COL23A1: variants seen among roughly 807,000 people sequenced by gnomAD.
COL23A1 encodes the protein collagen alpha-1(XXIII) chain.
A neutral mutation model predicts 99.3 loss-of-function variants in COL23A1; 97 were observed. The observed-to-expected ratio is 0.98, with a 90% CI of 0.83 to 1.16. COL23A1 has a LOEUF of 1.16. Among genes scored for constraint, COL23A1 ranks in the 50% most tolerant of loss-of-function variants. COL23A1 has a pLI of 0.00. For synonymous variants in COL23A1, 320 were observed against 308.2 expected, an observed-to-expected ratio of 1.04 and a Z score of -0.40; for missense variants, 762 against 757.4, an observed-to-expected ratio of 1.01 and a Z score of -0.07.
intron 2 of COL23A1, among the ~76,000 whole-genome samples, chr5:178,557,028 A>T (rs1762313240): frequency 6.6e-6 from 1 of 152,352 alleles, no homozygotes; most frequent in East Asian, 1.9e-4. Context: ...GCAAAAAATT[A>T]CCACAAGCCC....
intron 20 of COL23A1, 44 bp downstream of exon 20, chr5:178,248,148 G>T: frequency 7.2e-7 from 1 of 1,390,310 alleles, no homozygotes; most frequent in Non-Finnish European, 1.0e-6. Flanking sequence ...ACCCAGCCTG[G>T]ACTGGGTGTT....
chr5:178,336,313 C>T (rs998225906), intron 2 of COL23A1, among the ~76,000 whole-genome samples: 5 of 152,210 alleles, frequency 3.3e-5, no homozygotes, highest in Admixed American at 6.5e-5. Flanking sequence ...TTATTCACAA[C>T]AGCCGAAAGG....
intron 2 of COL23A1, among the ~76,000 whole-genome samples, chr5:178,491,184 C>A (rs939896848): frequency 2.0e-3 from 301 of 151,342 alleles, no homozygotes; most frequent in African/African-American, 7.0e-3. Context: ...GAGAAGAGAA[C>A]GAGGAGGGGG....
chr5:178,508,911 C>A (rs542013469), intron 2 of COL23A1, among the ~76,000 whole-genome samples: 1 of 152,224 alleles, frequency 6.6e-6, no homozygotes, highest in South Asian at 2.1e-4. Context: ...TATATAATGT[C>A]CAGGGCTTTC....
At chr5:178,493,044 GTC>G (rs993330534) in intron 2 of COL23A1, among the ~76,000 whole-genome samples, 23 of 152,290 alleles carry the variant, frequency 1.5e-4, no homozygotes, top group African/African-American at 5.5e-4. Flanking sequence ...TTGACTGTTG[GTC>G]TCTCACCCTT....
intron 2 of COL23A1, among the ~76,000 whole-genome samples, chr5:178,549,232 T>A (rs189249046): frequency 2.0e-5 from 3 of 151,532 alleles, no homozygotes; most frequent in African/African-American, 7.3e-5. Context: ...GACCTCAGGT[T>A]ATCCACCCGC....
At chr5:178,523,502 G>A (rs552245075) in intron 2 of COL23A1, 2 of 151,088 alleles carry the variant, frequency 1.3e-5, no homozygotes, top group African/African-American at 4.9e-5. Context: ...CAATCTACAC[G>A]GCCTGGAGTT....
chr5:178,571,510 A>T (rs1763094137), intron 1 of COL23A1, among the ~76,000 whole-genome samples: 1 of 152,226 alleles, frequency 6.6e-6, no homozygotes, highest in Non-Finnish European at 1.5e-5. Flanking sequence ...AAGACCCTAA[A>T]GGACCAAACT....
chr5:178,519,401 G>A (rs531138289), intron 2 of COL23A1, among the ~76,000 whole-genome samples: 5 of 152,296 alleles, frequency 3.3e-5, no homozygotes, highest in African/African-American at 7.2e-5. Flanking sequence ...CACAATGTGC[G>A]TCCATGAAGG....
chr5:178,581,340 C>A (rs918545349), intron 1 of COL23A1, among the ~76,000 whole-genome samples: 2 of 152,200 alleles, frequency 1.3e-5, no homozygotes, highest in East Asian at 3.9e-4. Flanking sequence ...CCAAGGCAGG[C>A]AAATCACCTG....
rs1758562962 is a variant in COL23A1 at position 178,309,695 on chromosome 5, G to A, written c.362-2776C>T. Among the ~76,000 whole-genome samples the A allele has an allele frequency of 2.1e-5, 1 of 48,216 alleles. No individual in the cohort carries two copies. Among genetic ancestry groups the A allele is most frequent in the African/African-American group, 7.7e-5 (1 of 12,956 alleles). The allele number at this position is 48,216 out of a possible 152,430, so 31.6% of individuals were successfully genotyped here. On this transcript the variant is annotated intron_variant, in intron 2 of 28. Coordinates refer to ENST00000390654, the MANE Select transcript of COL23A1 (RefSeq NM_173465.4). This position sits in a 1 kb window ranked among gnomAD's most constrained non-coding sequence, Gnocchi z 4.7. Reference sequence around the variant, plus strand: ...GTCCCAGCAGCACCCAAGCAGTCAAGCCAGAGACCCCCCCCCGGGCATCAT... The same window carrying A: ...GTCCCAGCAGCACCCAAGCAGTCAAACCAGAGACCCCCCCCCGGGCATCAT...
At chr5:178,539,662 G>C (rs563517116) in intron 2 of COL23A1, among the ~76,000 whole-genome samples, 34 of 151,420 alleles carry the variant, frequency 2.2e-4, no homozygotes, top group Non-Finnish European at 4.7e-4. Context: ...GAAAATTCTA[G>C]GCCTGGATAT....
At chr5:178,329,346 C>G (rs551427124) in intron 2 of COL23A1, among the ~76,000 whole-genome samples, 2 of 152,292 alleles carry the variant, frequency 1.3e-5, no homozygotes, top group South Asian at 4.1e-4. Context: ...GTTCCCACTG[C>G]ATCCCAGCCA....
At chr5:178,472,666 A>T (rs1562002435) in intron 2 of COL23A1, among the ~76,000 whole-genome samples, 1 of 152,074 alleles carries the variant, frequency 6.6e-6, no homozygotes, top group African/African-American at 2.4e-5. Context: ...CATTTTGTAG[A>T]TGGGAAATGT....
In COL23A1 at chr5:178,442,079, C is replaced by T. The variant is rs118151854; in HGVS notation, c.361+118603G>A. Among the ~76,000 whole-genome samples, 66 of 152,136 alleles carry T rather than the reference C, an allele frequency of 4.3e-4. 1 individual carries two copies. The East Asian group carries it at 9.5e-3, about 22-fold the overall frequency. On this transcript the variant is annotated intron_variant, in intron 2 of 28. Coordinates refer to ENST00000390654, the MANE Select transcript of COL23A1 (RefSeq NM_173465.4). ...TCTGGGACGTCCAACTGAGAAACCA[C>T]GCACGCCGAGTCCTGCAGCCTGGTC...
chr5:178,548,579 A>C (rs1761838942), intron 2 of COL23A1, among the ~76,000 whole-genome samples: 1 of 141,834 alleles, frequency 7.1e-6, no homozygotes, highest in Non-Finnish European at 1.5e-5. Context: ...TTTGAGACAG[A>C]GTCTCATTCT....
chr5:178,408,206 A>G (rs1172844721), intron 2 of COL23A1, among the ~76,000 whole-genome samples: 1 of 152,222 alleles, frequency 6.6e-6, no homozygotes, highest in Non-Finnish European at 1.5e-5. Flanking sequence ...AAAACACAAA[A>G]TTCTACATCT....
chr5:178,440,460 T>C (rs1464351861), intron 2 of COL23A1, among the ~76,000 whole-genome samples: 2 of 152,180 alleles, frequency 1.3e-5, no homozygotes, highest in African/African-American at 4.8e-5. Context: ...CAAAAATCAA[T>C]CTCTCTCATT....
At chr5:178,263,914 A>G (rs1765769953) in intron 8 of COL23A1, among the ~76,000 whole-genome samples, 1 of 152,208 alleles carries the variant, frequency 6.6e-6, no homozygotes, top group Admixed American at 6.5e-5. Context: ...AACACCTCAG[A>G]TGCATCTCAG....
Sources: allele counts gnomAD v4.1 joint callset (sites outside exome capture counted in the v4.1 genomes callset), GRCh38; gene constraint gnomAD v4.1.1; non-coding constraint Gnocchi (gnomAD v3.1); transcripts MANE v1.5; gene names NCBI Gene and HGNC (gene_info 2026-07-23, HGNC 2026-07-21).